TET3: variants seen among roughly 807,000 people sequenced by gnomAD.
TET3 encodes tet methylcytosine dioxygenase 3.
A neutral mutation model predicts 141.4 loss-of-function variants in TET3; 19 were observed. The observed-to-expected ratio is 0.13, with a 90% CI of 0.09 to 0.20. The LOEUF (loss-of-function observed/expected upper bound fraction) is 0.20, where lower values mean the gene tolerates loss of function less well. Among genes scored for constraint, TET3 ranks in the 10% least tolerant of loss-of-function variants. TET3 has a pLI of 1.00. For missense variants in TET3, 1,874 were observed against 2,356.9 expected, an observed-to-expected ratio of 0.80 and a Z score of 4.24; for synonymous variants, 1,043 against 980.9, an observed-to-expected ratio of 1.06 and a Z score of -1.18.
At chr2:74,118,381 A>C in the TET3 span, among the ~76,000 whole-genome samples, 1 of 152,236 alleles carries the variant, frequency 6.6e-6, no homozygotes, top group Non-Finnish European at 1.5e-5. Context: ...CATTTCAGAC[A>C]GACGATTCAT....
At chr2:74,049,352 C>A (rs897043660) in intron 4 of TET3, among the ~76,000 whole-genome samples, 3 of 152,124 alleles carry the variant, frequency 2.0e-5, no homozygotes, top group African/African-American at 7.2e-5. Flanking sequence ...TGAAGCGGTG[C>A]CGTGTGTGAG....
intron 4 of TET3, among the ~76,000 whole-genome samples, chr2:74,049,189 G>A (rs2103711621): frequency 6.6e-6 from 1 of 152,244 alleles, no homozygotes; most frequent in Admixed American, 6.5e-5. Flanking sequence ...AGACACTGCA[G>A]GTCTCTGCCT....
chr2:73,991,077 G>A (rs1054906085), intron 2 of TET3, among the ~76,000 whole-genome samples: 1 of 151,732 alleles, frequency 6.6e-6, no homozygotes, highest in African/African-American at 2.4e-5. Flanking sequence ...CCAAAGTGCT[G>A]GGATTACAGG....
At chr2:74,129,316 CAAAAAAAAAAAAAAAAAA>C in the TET3 span, among the ~76,000 whole-genome samples, 2 of 51,292 alleles carry the variant, frequency 3.9e-5, no homozygotes, top group Admixed American at 2.9e-4. Context: ...AACTCCGTCT[CAAAAAAAAAAAAAAAAAA>C]AAAAAAAAAA....
At chr2:74,099,993 C>T (rs1208096184) in intron 11 of TET3, among the ~76,000 whole-genome samples, 1 of 152,180 alleles carries the variant, frequency 6.6e-6, no homozygotes, top group African/African-American at 2.4e-5. Flanking sequence ...GAGACGGTTG[C>T]TGGCAGGCAT....
At chr2:73,984,882 G>A (rs1434103953), upstream of TET3, among the ~76,000 whole-genome samples, 1 of 147,320 alleles carries the variant, frequency 6.8e-6, no homozygotes, top group Non-Finnish European at 1.5e-5. The surrounding 1 kb of genome is among the most constrained non-coding windows in gnomAD (Gnocchi z 5.6). Context: ...CCCCGGGCGA[G>A]CACGTGCCGC....
At chr2:74,024,781 T>C (rs1244174046) in intron 3 of TET3, among the ~76,000 whole-genome samples, 2 of 152,242 alleles carry the variant, frequency 1.3e-5, no homozygotes, top group African/African-American at 4.8e-5. Context: ...AAAATATTTT[T>C]TATTTCGGCA....
chr2:74,074,929 T>C (rs1689415819), intron 5 of TET3, among the ~76,000 whole-genome samples: 1 of 152,122 alleles, frequency 6.6e-6, no homozygotes, highest in Admixed American at 6.5e-5. Flanking sequence ...TGGAGTACAG[T>C]GGCACAATCT....
chr2:74,003,503 G>C (rs1196791453), intron 3 of TET3, among the ~76,000 whole-genome samples: 1 of 136,990 alleles, frequency 7.3e-6, no homozygotes, highest in Admixed American at 7.3e-5. Context: ...GAATGTCCCT[G>C]GCACTGTTGG....
the TET3 span, among the ~76,000 whole-genome samples, chr2:74,133,550 G>A: frequency 2.6e-5 from 4 of 152,152 alleles, no homozygotes; most frequent in Admixed American, 2.6e-4. Flanking sequence ...ACTGTTGGCA[G>A]GTCTGTTTGA....
At chr2:74,077,025 T>C (rs1335170552) in intron 5 of TET3, among the ~76,000 whole-genome samples, 3 of 152,258 alleles carry the variant, frequency 2.0e-5, no homozygotes, top group Non-Finnish European at 2.9e-5. Flanking sequence ...AACTCGTATC[T>C]GAGACCGGTG....
At chr2:74,017,392 C>T (rs1573699896) in intron 3 of TET3, among the ~76,000 whole-genome samples, 1 of 152,210 alleles carries the variant, frequency 6.6e-6, no homozygotes. Context: ...ATTTCCCCTG[C>T]ACCCCTGCCC....
Position 73,994,506 on chromosome 2 carries a change from C to G in TET3, c.303+7800C>G, listed in dbSNP as rs1231978124. Among the ~76,000 whole-genome samples, 3 of 152,100 alleles carry G rather than the reference C, an allele frequency of 2.0e-5. No homozygotes were observed. In the East Asian group the frequency reaches 5.8e-4, roughly 29 times the overall value. ...CTGCACGAGTCTGGGTGCTGCCTAA[C>G]AGGGAAGTTATGAGGATGTCCTCTG... On this transcript the variant is annotated intron_variant, in intron 2 of 11. Transcript: ENST00000409262.
chr2:74,001,255 G>GC (rs957354669), intron 2 of TET3, among the ~76,000 whole-genome samples: 7 of 152,166 alleles, frequency 4.6e-5, no homozygotes, highest in African/African-American at 1.7e-4. Flanking sequence ...CCCCCTTTGG[G>GC]CCCCCGGGGA....
At chr2:74,034,680 G>A (rs1348470709) in intron 3 of TET3, among the ~76,000 whole-genome samples, 2 of 151,254 alleles carry the variant, frequency 1.3e-5, no homozygotes, top group Non-Finnish European at 2.9e-5. Context: ...CCATTCTGTA[G>A]TTTATGCTCC....
intron 4 of TET3, among the ~76,000 whole-genome samples, chr2:74,059,715 T>C (rs530630852): frequency 3.3e-5 from 5 of 152,022 alleles, no homozygotes; most frequent in South Asian, 2.1e-4. Flanking sequence ...CCTGGCTAAT[T>C]TGTAAATTTT....
chr2:74,029,175 G>GAA (rs1166515147), intron 3 of TET3, among the ~76,000 whole-genome samples: 3 of 152,160 alleles, frequency 2.0e-5, no homozygotes, highest in African/African-American at 7.2e-5. Flanking sequence ...CAAATAAGAT[G>GAA]AAGCCCTTGT....
intron 2 of TET3, among the ~76,000 whole-genome samples, chr2:73,996,975 C>A (rs368030822): frequency 6.6e-6 from 1 of 152,220 alleles, no homozygotes; most frequent in African/African-American, 2.4e-5. Context: ...GATGGCTGTT[C>A]CTGCACTGCT....
chr2:74,111,797 T>C (rs974842508), downstream of TET3, among the ~76,000 whole-genome samples: 1 of 152,184 alleles, frequency 6.6e-6, no homozygotes, highest in African/African-American at 2.4e-5. Context: ...GTGCCAAAGT[T>C]TGTGCCCTAT....
Sources: gnomAD v4.1 joint callset for allele counts (sites outside exome capture counted in the v4.1 genomes callset) on GRCh38, gnomAD v4.1.1 for gene constraint, Gnocchi (gnomAD v3.1) non-coding constraint, MANE v1.5 for transcripts, NCBI Gene and HGNC (gene_info 2026-07-23, HGNC 2026-07-21) for gene names.